MACF1: variants seen among roughly 807,000 people sequenced by gnomAD.
MACF1 encodes microtubule-actin cross-linking factor 1.
In MACF1, 193 loss-of-function variants were observed where a neutral mutation model predicts 854.8. The observed-to-expected ratio is 0.23, with a 90% CI of 0.20 to 0.25. MACF1 has a LOEUF of 0.25. MACF1 is among the 10% of genes least tolerant of loss of function. The probability of loss-of-function intolerance (pLI) is 1.00; values close to 1 mark genes in which losing one functional copy is unlikely to be tolerated. For missense variants in MACF1, 7,722 were observed against 8,929.1 expected (o/e 0.86, Z 5.45); for synonymous variants, 3,185 against 3,226.7 (o/e 0.99, Z 0.44).
At position 39,237,076 on chromosome 1, in the gene MACF1, T is replaced by G. The variant is rs138639154; in HGVS notation, c.171+5833T>G. 9.3e-3 allele frequency among the ~76,000 whole-genome samples: 1,423 copies of G among 152,368 alleles called. 27 individuals carry two copies. Among genetic ancestry groups the G allele is most frequent in the African/African-American group, 0.032 (1,351 of 41,586 alleles). On this transcript the variant is annotated intron_variant, in intron 2 of 100. Coordinates refer to ENST00000564288, the MANE Select transcript of MACF1 (RefSeq NM_001394062.1). Reference sequence around the variant, plus strand: ...TCCAACCCACCTGTCTAGCTTCATTTCTAAGCACTCTGTTTTTTGTAGCTT... The same window carrying G: ...TCCAACCCACCTGTCTAGCTTCATTGCTAAGCACTCTGTTTTTTGTAGCTT...
intron 44 of MACF1, among the ~76,000 whole-genome samples, chr1:39,355,346 G>T (rs1461115362): frequency 6.6e-6 from 1 of 152,062 alleles, no homozygotes; most frequent in East Asian, 1.9e-4. Context: ...TGAGTTGGAA[G>T]GTGAGAATGA....
At chr1:39,131,948 G>A (rs1296078458) in intron 2 of MACF1, among the ~76,000 whole-genome samples, 1 of 152,144 alleles carries the variant, frequency 6.6e-6, no homozygotes, top group Non-Finnish European at 1.5e-5. Context: ...CACCCAACTT[G>A]CCTAACAATT....
rs1553155692 is a variant in MACF1, at chr1:39,173,351, A to AAAAAAAG, written c.221-57828_221-57827insAAAGAAA. On this transcript the variant is annotated intron_variant, in intron 2 of 93. Coordinates refer to the MACF1 transcript ENST00000361689. ...CAGACTCCATCTCAAAAAAAAAAAA[A>AAAAAAAG]AAAGAAAGAAAGAAAGAAAAAGCAC... Among the ~76,000 whole-genome samples the AAAAAAAG allele has an allele frequency of 7.6e-3, 961 of 126,208 alleles. 11 individuals carry two copies. Among genetic ancestry groups the AAAAAAAG allele is most frequent in the Middle Eastern group, 0.035 (8 of 230 alleles). The allele number at this position is 126,208 out of a possible 152,430, so 82.8% of individuals were successfully genotyped here. A position where few individuals can be genotyped will look rare whatever the true frequency, so the allele number is the denominator to read the frequency against.
Position 39,310,947 on chromosome 1 carries a change from A to G in MACF1, c.3217A>G (p.Arg1073Gly). 3 of 1,614,212 alleles carry G rather than the reference A, an allele frequency of 1.9e-6. No individual in the cohort carries two copies. The highest frequency in any genetic ancestry group is 1.7e-5 in the Admixed American group (1 of 60,038). ...VKRIQSLASS[R>G]TDRDAWQDNA... The stretch of plus-strand genomic sequence containing the variant: ...ACGAATTCAGTCTCTAGCCAGCTCT[A>G]GGACTGACAGAGATGCCTGGCAGGA... Residue 1073 changes from arginine to glycine, a missense_variant, in exon 26 of 101, where the codon AGG becomes GGG. Transcript: ENST00000564288.
intron 97 of MACF1, among the ~76,000 whole-genome samples, chr1:39,478,011 T>C (rs1212954099): frequency 4.8e-5 from 7 of 147,306 alleles, no homozygotes; most frequent in Non-Finnish European, 9.0e-5. Context: ...TTTTTTTTTT[T>C]TTTTTTTTTG....
chr1:39,427,747 G>A, intron 62 of MACF1, 133 bp downstream of exon 62: 1 of 1,020,112 alleles, frequency 9.8e-7, no homozygotes, highest in Admixed American at 2.8e-5. Flanking sequence ...ATTATTAATT[G>A]GAAAAGTCAC....
chr1:39,186,208 CTCTCTCTGTGTGTGTGTGTG>C (rs1453081874), intron 2 of MACF1, among the ~76,000 whole-genome samples: 68 of 62,272 alleles, frequency 1.1e-3, no homozygotes, highest in Middle Eastern at 8.6e-3. Context: ...CTCTCTCTCT[CTCTCTCTGTGTGTGTGTGTG>C]TGTGTGTGTG....
At chr1:39,438,827 A>G (rs1020688542) in intron 71 of MACF1, among the ~76,000 whole-genome samples, 18 of 151,808 alleles carry the variant, frequency 1.2e-4, no homozygotes, top group African/African-American at 4.4e-4. Flanking sequence ...TCATGCTGAT[A>G]ATCCAAGCAC....
intron 15 of MACF1, among the ~76,000 whole-genome samples, chr1:39,290,817 G>A (rs1258292298): frequency 2.6e-5 from 4 of 151,270 alleles, no homozygotes; most frequent in Admixed American, 6.6e-5. Context: ...ACAGGCGTGC[G>A]CCACCACGCC....
chr1:39,327,368 C>A lies in MACF1; in HGVS notation c.4614+15C>A, dbSNP rs752474991. On this transcript the variant is annotated intron_variant, in intron 36 of 100. Coordinates refer to ENST00000564288, the MANE Select transcript of MACF1 (RefSeq NM_001394062.1). ...CAGAACAAAAGGTACTTTTAGTTTTCATCTCCAAATATTGGGTGGATACCT... is the reference window on the plus strand; with the variant it reads ...CAGAACAAAAGGTACTTTTAGTTTTAATCTCCAAATATTGGGTGGATACCT... 6.3e-7 allele frequency: 1 copy of A among 1,577,096 alleles called. No individual in the cohort carries two copies. The highest frequency in any genetic ancestry group is 8.7e-7 in the Non-Finnish European group (1 of 1,151,894).
At chr1:39,106,294 G>A (rs966566504) in intron 2 of MACF1, among the ~76,000 whole-genome samples, 1 of 152,174 alleles carries the variant, frequency 6.6e-6, no homozygotes, top group African/African-American at 2.4e-5. Context: ...CCGGGGGTCT[G>A]GGCCTGCTGG....
chr1:39,308,385 A>G (rs185902991), intron 23 of MACF1, among the ~76,000 whole-genome samples: 32 of 152,092 alleles, frequency 2.1e-4, no homozygotes, highest in Admixed American at 1.3e-4. Flanking sequence ...TTTCAACTCT[A>G]CTGAAATTTT....
intron 40 of MACF1, 91 bp from the exon 41 acceptor site, chr1:39,346,886 G>A (rs1647062318): frequency 4.9e-6 from 4 of 809,350 alleles, no homozygotes; most frequent in South Asian, 1.6e-5. Flanking sequence ...CAGGAAATTA[G>A]CCTCTCTGAT....
intron 93 of MACF1, among the ~76,000 whole-genome samples, chr1:39,462,552 A>G (rs1484349547): frequency 6.8e-6 from 1 of 146,722 alleles, no homozygotes; most frequent in Non-Finnish European, 1.5e-5. Context: ...CCCCCGCCAA[A>G]AAAAAAAAAA....
At chr1:39,122,504 C>T (rs1293209761) in intron 2 of MACF1, among the ~76,000 whole-genome samples, 2 of 152,134 alleles carry the variant, frequency 1.3e-5, no homozygotes, top group South Asian at 2.1e-4. Context: ...CCACCTGCCT[C>T]AGCCTCCCAA....
Position 39,337,206 on chromosome 1 carries a change from T to A in MACF1, c.10090T>A (p.Leu3364Ile). 1.2e-6 allele frequency: 2 copies of A among 1,613,860 alleles called. No homozygotes were observed. Among genetic ancestry groups the A allele is most frequent in the Non-Finnish European group, 1.7e-6 (2 of 1,179,882 alleles). The change falls in exon 38 of 101, where the codon TTA (leucine) becomes ATA (isoleucine). Residue 3364 changes from leucine (L) to isoleucine (I), a missense_variant. Transcript: ENST00000564288. ...GAATGTATTTACCCGGCAACTCTGT[T>A]TAGAACATGATGAAAAGCTAGTATC... ...TQNVFTRQLCLEHDEKLVSYL... is the reference protein window; with the variant it reads ...TQNVFTRQLCIEHDEKLVSYL...
intron 23 of MACF1, 125 bp downstream of exon 23, chr1:39,303,203 T>C: frequency 9.0e-7 from 1 of 1,111,138 alleles, no homozygotes; most frequent in Non-Finnish European, 1.3e-6. Flanking sequence ...TGGGAGAGGC[T>C]TCTCATTGGA....
Position 39,357,578 on chromosome 1 carries a change from G to T in MACF1, c.11628G>T (p.Gln3876His), listed in dbSNP as rs570402604. ...EAELKQVQTL[Q>H]DELQKFLQDH... The stretch of plus-strand genomic sequence containing the variant: ...AACTGAAGCAGGTGCAGACACTTCA[G>T]GATGAGTTGCAGAAATTTCTGCAGG... The change falls in exon 45 of 101, where the codon CAG (glutamine) becomes CAT (histidine). Residue 3876 changes from glutamine to histidine, a missense_variant. Coordinates refer to ENST00000564288, the MANE Select transcript of MACF1 (RefSeq NM_001394062.1). The T allele has an allele frequency of 6.2e-7, 1 of 1,614,124 alleles. No individual in the cohort carries two copies.
intron 41 of MACF1, among the ~76,000 whole-genome samples, chr1:39,349,078 A>G (rs1013094151): frequency 1.3e-5 from 2 of 152,156 alleles, no homozygotes; most frequent in African/African-American, 4.8e-5. Flanking sequence ...CTACTTTTGC[A>G]TATTATGTAG....
Sources: gnomAD v4.1 joint callset for allele counts (sites outside exome capture counted in the v4.1 genomes callset) on GRCh38, gnomAD v4.1.1 for gene constraint, MANE v1.5 for transcripts, NCBI Gene and HGNC (gene_info 2026-07-23, HGNC 2026-07-21) for gene names.